The following RPH3A variants were observed in gnomAD, a reference collection of about 807,000 sequenced individuals.
RPH3A encodes the protein rabphilin 3A.
RPH3A carries 48 observed loss-of-function variants against 102.2 expected under a neutral mutation model. That is an observed-to-expected ratio of 0.47 (90% CI 0.37 to 0.60). The LOEUF is 0.60. Among genes scored for constraint, RPH3A ranks in the 20% least tolerant of loss-of-function variants. The pLI is 0.00. For missense variants in RPH3A, 781 were observed against 910.1 expected (o/e 0.86, Z 1.83); for synonymous variants, 310 against 324.3 (o/e 0.96, Z 0.47).
intron 1 of RPH3A, among the ~76,000 whole-genome samples, chr12:112,656,412 T>C (rs192332661): frequency 1.3e-5 from 2 of 152,354 alleles, no homozygotes; most frequent in African/African-American, 2.4e-5. Context: ...CTTATAGATG[T>C]TGTAATTCTT....
At chr12:112,589,661 T>C (rs901109941) in intron 1 of RPH3A, among the ~76,000 whole-genome samples, 5 of 152,338 alleles carry the variant, frequency 3.3e-5, no homozygotes, top group African/African-American at 1.2e-4. Flanking sequence ...ATGAACACTT[T>C]ATAAATCCAT....
chr12:112,691,784 C>T (rs1230610312), intron 1 of RPH3A, among the ~76,000 whole-genome samples: 1 of 152,148 alleles, frequency 6.6e-6, no homozygotes, highest in Non-Finnish European at 1.5e-5. Flanking sequence ...TTTTGTCTGC[C>T]TCCTGAGTTC....
intron 2 of RPH3A, among the ~76,000 whole-genome samples, chr12:112,820,366 C>A (rs746474064): frequency 3.3e-5 from 5 of 152,130 alleles, no homozygotes; most frequent in Admixed American, 6.5e-5. Flanking sequence ...ATTTTCAAAC[C>A]CCATTCTTCA....
At position 112,792,125 on chromosome 12, in the gene RPH3A, T is replaced by C. The variant is rs182888757; in HGVS notation, c.-139-18T>C. ...TTTTGGGAAGAGTAGGAGAGTCAAA[T>C]GAACAATTTTCTTTCAGGCACCTCC... On this transcript the variant is annotated intron_variant, in intron 1 of 21. Transcript: ENST00000389385. 2.0e-5 allele frequency: 3 copies of C among 152,134 alleles called. No homozygotes were observed. Among genetic ancestry groups the C allele is most frequent in the Admixed American group, 1.3e-4 (2 of 15,274 alleles). The allele number at this position is 152,134 out of a possible 1,614,324, so 9.4% of individuals were successfully genotyped here. A position where few individuals can be genotyped will look rare whatever the true frequency, so the allele number is the denominator to read the frequency against.
intron 1 of RPH3A, among the ~76,000 whole-genome samples, chr12:112,584,458 G>T (rs1296958188): frequency 6.6e-6 from 1 of 152,168 alleles, no homozygotes; most frequent in African/African-American, 2.4e-5. Context: ...CTAGGAGAAA[G>T]AATCTGATTG....
intron 1 of RPH3A, among the ~76,000 whole-genome samples, chr12:112,746,228 C>G (rs773641650): frequency 9.9e-5 from 15 of 152,158 alleles, no homozygotes; most frequent in African/African-American, 1.7e-4. Flanking sequence ...ACAAACACAA[C>G]CTGCTCTCAA....
intron 20 of RPH3A, 47 bp downstream of exon 20, chr12:112,894,706 G>C (rs1280631578): frequency 6.5e-7 from 1 of 1,548,320 alleles, no homozygotes; most frequent in Admixed American, 1.8e-5. Context: ...TTTGCTGTGT[G>C]TTAGAGAGGC....
At chr12:112,826,130 G>T (rs549999491) in intron 2 of RPH3A, among the ~76,000 whole-genome samples, 1 of 152,082 alleles carries the variant, frequency 6.6e-6, no homozygotes, top group Admixed American at 6.5e-5. Flanking sequence ...TAAACTGAGC[G>T]GTCAGGGAGG....
chr12:112,805,289 T>C (rs1354213584), intron 2 of RPH3A, among the ~76,000 whole-genome samples: 2 of 152,056 alleles, frequency 1.3e-5, no homozygotes, highest in Admixed American at 6.6e-5. Context: ...TTAGTGGTTA[T>C]AACATTTAGT....
intron 1 of RPH3A, among the ~76,000 whole-genome samples, chr12:112,671,120 G>C (rs1307933874): frequency 6.6e-6 from 1 of 152,230 alleles, no homozygotes; most frequent in Non-Finnish European, 1.5e-5. Context: ...AAAGGTAGTG[G>C]GTGATTGTGT....
rs374315161 is a variant in RPH3A at position 112,757,816 on chromosome 12, C to T, written c.-139-34327C>T. Among the ~76,000 whole-genome samples the T allele has an allele frequency of 3.3e-5, 5 of 152,142 alleles. No individual in the cohort carries two copies. The South Asian group carries it at 1.0e-3, about 32-fold the overall frequency. ...TGGCAGGTTAACATCCTACTGGGAA[C>T]ATTAAGAGGTGAATCTGGGCTCTCA... On this transcript the variant is annotated intron_variant, in intron 1 of 21. Coordinates refer to the RPH3A transcript ENST00000543106.
intron 1 of RPH3A, among the ~76,000 whole-genome samples, chr12:112,672,776 G>A (rs181945151): frequency 5.8e-4 from 88 of 152,256 alleles, no homozygotes; most frequent in Admixed American, 3.3e-3. Flanking sequence ...GTTGTGCCCA[G>A]GACTGTCCCA....
At chr12:112,760,204 A>G (rs1040797927) in intron 1 of RPH3A, among the ~76,000 whole-genome samples, 5 of 152,160 alleles carry the variant, frequency 3.3e-5, no homozygotes, top group Admixed American at 3.3e-4. Flanking sequence ...ATGATGATCA[A>G]TTAGCCAAAA....
intron 1 of RPH3A, among the ~76,000 whole-genome samples, chr12:112,784,885 T>G (rs1412031064): frequency 6.6e-6 from 1 of 152,218 alleles, no homozygotes; most frequent in Non-Finnish European, 1.5e-5. Flanking sequence ...GGCCTAAGAT[T>G]GTGTTTTGGT....
intron 2 of RPH3A, among the ~76,000 whole-genome samples, chr12:112,821,449 C>G (rs1201856436): frequency 6.6e-6 from 1 of 151,950 alleles, no homozygotes; most frequent in Non-Finnish European, 1.5e-5. Context: ...CCCTCTTGCT[C>G]TCTTTACTCC....
At chr12:112,787,756 G>C (rs532281606), upstream of RPH3A, among the ~76,000 whole-genome samples, 1 of 152,194 alleles carries the variant, frequency 6.6e-6, no homozygotes, top group Non-Finnish European at 1.5e-5. Flanking sequence ...AAATGGGATT[G>C]TTGGGAGGAT....
At chr12:112,786,702 C>T (rs2136081062) in intron 1 of RPH3A, among the ~76,000 whole-genome samples, 1 of 152,258 alleles carries the variant, frequency 6.6e-6, no homozygotes, top group East Asian at 1.9e-4. Flanking sequence ...GCACTGGGTT[C>T]TTTGTCTAAG....
At chr12:112,692,543 A>C (rs929839749) in intron 1 of RPH3A, among the ~76,000 whole-genome samples, 2 of 152,204 alleles carry the variant, frequency 1.3e-5, no homozygotes, top group Non-Finnish European at 2.9e-5. Flanking sequence ...CATATTGGAC[A>C]GTTCAAGATT....
At chr12:112,832,824 C>CAG (rs1475278122) in intron 3 of RPH3A, among the ~76,000 whole-genome samples, 2 of 152,070 alleles carry the variant, frequency 1.3e-5, no homozygotes, top group Non-Finnish European at 2.9e-5. Context: ...GCTTGGGTAA[C>CAG]AGAGAGAGAC....
Sources: gnomAD v4.1 joint callset for allele counts (sites outside exome capture counted in the v4.1 genomes callset) on GRCh38, gnomAD v4.1.1 for gene constraint, MANE v1.5 for transcripts, NCBI Gene and HGNC (gene_info 2026-07-23, HGNC 2026-07-21) for gene names.